The following S100PBP variants were observed in gnomAD, a reference collection of about 807,000 sequenced individuals.
S100PBP encodes the protein S100P-binding protein.
S100PBP carries 15 observed loss-of-function variants against 39.9 expected under a neutral mutation model. That is an observed-to-expected ratio of 0.38 (90% confidence interval 0.25 to 0.58). The LOEUF is 0.58. Ranked by LOEUF, S100PBP falls within the 20% of genes least tolerant of loss-of-function variation. The pLI is 0.70. For missense variants in S100PBP, 504 were observed against 487.3 expected (o/e 1.03, Z -0.32); for synonymous variants, 178 against 180.3 (o/e 0.99, Z 0.10).
intron 6 of S100PBP, among the ~76,000 whole-genome samples, chr1:32,853,505 G>A (rs1203003080): frequency 6.9e-6 from 1 of 145,272 alleles, no homozygotes; most frequent in African/African-American, 2.5e-5. Context: ...GGGGGGGGGC[G>A]CGTGAAATTT....
At chr1:32,833,078 C>T (rs1639670507) in intron 5 of S100PBP, among the ~76,000 whole-genome samples, 1 of 152,012 alleles carries the variant, frequency 6.6e-6, no homozygotes, top group African/African-American at 2.4e-5. Flanking sequence ...ATTATAAGTA[C>T]TTAAAGTAGA....
intron 5 of S100PBP, among the ~76,000 whole-genome samples, chr1:32,834,428 G>A (rs1351530587): frequency 6.6e-6 from 1 of 152,026 alleles, no homozygotes; most frequent in African/African-American, 2.4e-5. Flanking sequence ...GTTTCTTGTG[G>A]TATCATTTAA....
chr1:32,817,335 G>T (rs889969474), upstream of S100PBP: 20 of 1,540,180 alleles, frequency 1.3e-5, no homozygotes, highest in African/African-American at 2.6e-4. Flanking sequence ...ACTGTCACGC[G>T]AGTCCAGCCA....
At chr1:32,853,797 GAA>G (rs1640719817) in intron 6 of S100PBP, among the ~76,000 whole-genome samples, 1 of 152,022 alleles carries the variant, frequency 6.6e-6, no homozygotes, top group South Asian at 2.1e-4. Context: ...GTGCCTGAGA[GAA>G]AAGGATTGCT....
At chr1:32,827,878 C>A in intron 3 of S100PBP, 115 bp from the exon 4 acceptor site, 6 of 580,606 alleles carry the variant, frequency 1.0e-5, no homozygotes, top group Admixed American at 2.5e-5. Context: ...CAGTAGTGTT[C>A]ACGAATAGGC....
At chr1:32,839,093 A>G (rs975094455) in intron 5 of S100PBP, among the ~76,000 whole-genome samples, 6 of 152,098 alleles carry the variant, frequency 3.9e-5, no homozygotes, top group African/African-American at 1.4e-4. Context: ...TGCACCCACT[A>G]CAAATCCATA....
At chr1:32,854,772 T>C (rs1557518472) in intron 6 of S100PBP, among the ~76,000 whole-genome samples, 1 of 152,170 alleles carries the variant, frequency 6.6e-6, no homozygotes, top group African/African-American at 2.4e-5. Context: ...ACCGACCTCA[T>C]CTCCTAATAC....
upstream of S100PBP, chr1:32,817,484 T>C (rs71646400): frequency 7.1e-4 from 433 of 609,780 alleles, no homozygotes; most frequent in Non-Finnish European, 1.1e-3. Context: ...CGGTGGGCGG[T>C]GCGGAGGGCG....
rs1415136005 is a variant in S100PBP, at chr1:32,826,458, G to A, written c.359G>A (p.Ser120Asn). 3 of 1,614,002 alleles carry A rather than the reference G, an allele frequency of 1.9e-6. No homozygotes were observed. Among genetic ancestry groups the A allele is most frequent in the Non-Finnish European group, 2.5e-6 (3 of 1,180,024 alleles). ...TPDLFKLPQL[S>N]TSSGHGPAHT... ...GACCTCTTCAAACTACCTCAGCTAA[G>A]TACATCAAGTGGTCATGGACCAGCT... The change falls in exon 3 of 7, where the codon AGT becomes AAT. Residue 120 changes from serine to asparagine, a missense_variant. Transcript: ENST00000373475.
At chr1:32,833,653 C>T (rs1639697864) in intron 5 of S100PBP, among the ~76,000 whole-genome samples, 1 of 152,014 alleles carries the variant, frequency 6.6e-6, no homozygotes, top group Non-Finnish European at 1.5e-5. Flanking sequence ...TGAGACAGCA[C>T]CCAGCCCATT....
intron 1 of S100PBP, chr1:32,824,882 G>A (rs1031420060): frequency 7.2e-6 from 1 of 139,046 alleles, no homozygotes; most frequent in African/African-American, 2.7e-5. Context: ...TTAATTTTTA[G>A]ATTTTTGGTG....
intron 6 of S100PBP, among the ~76,000 whole-genome samples, chr1:32,853,879 C>T (rs1453927556): frequency 5.3e-5 from 8 of 152,050 alleles, no homozygotes; most frequent in Non-Finnish European, 1.0e-4. Context: ...GGCAACAGGG[C>T]GAGACCCTGT....
At chr1:32,821,772 C>T (rs1167022086) in intron 1 of S100PBP, among the ~76,000 whole-genome samples, 1 of 151,808 alleles carries the variant, frequency 6.6e-6, no homozygotes, top group African/African-American at 2.4e-5. Flanking sequence ...ATAGCTGGGG[C>T]TACAGGCCCG....
chr1:32,849,925 G>T (rs771687024), intron 5 of S100PBP, among the ~76,000 whole-genome samples: 6 of 152,134 alleles, frequency 3.9e-5, no homozygotes, highest in Admixed American at 2.0e-4. Flanking sequence ...TTATAGGATT[G>T]TTGTAAAGAA....
rs531387996 is a variant in S100PBP at position 32,831,263 on chromosome 1, T to C, written c.1024+1196T>C. Among the ~76,000 whole-genome samples, 3 of 152,082 alleles carry C rather than the reference T, an allele frequency of 2.0e-5. No individual in the cohort carries two copies. In the South Asian group the frequency reaches 6.2e-4, roughly 32 times the overall value. On this transcript the variant is annotated intron_variant, in intron 5 of 6. Coordinates refer to ENST00000373475, the MANE Select transcript of S100PBP (RefSeq NM_022753.4). Reference sequence around the variant, plus strand: ...AGAAGAAGATAATTATACTGCAGTATTGATTAGAGTTCTAATAGAATTACA... The same window carrying C: ...AGAAGAAGATAATTATACTGCAGTACTGATTAGAGTTCTAATAGAATTACA...
At chr1:32,843,140 T>G (rs1306201859) in intron 5 of S100PBP, 1 of 152,222 alleles carries the variant, frequency 6.6e-6, no homozygotes, top group Non-Finnish European at 1.5e-5. Context: ...TCCTAAATTC[T>G]TTTATTAGTT....
At chr1:32,830,447 T>TA (rs1189965509) in intron 5 of S100PBP, among the ~76,000 whole-genome samples, 1 of 152,238 alleles carries the variant, frequency 6.6e-6, no homozygotes, top group East Asian at 1.9e-4. Flanking sequence ...TTTCTCCTGT[T>TA]ACCTTCAGCA....
chr1:32,855,830 T>A lies in S100PBP; in HGVS notation c.1113-94T>A, dbSNP rs1472717913. The A allele has an allele frequency of 4.6e-6, 3 of 647,406 alleles. No individual in the cohort carries two copies. In the African/African-American group the frequency reaches 5.6e-5, roughly 12 times the overall value. The allele number at this position is 647,406 out of a possible 1,614,324, so 40.1% of individuals were successfully genotyped here. On this transcript the variant is annotated intron_variant, in intron 6 of 6. Coordinates refer to ENST00000373475, the MANE Select transcript of S100PBP (RefSeq NM_022753.4). Reference sequence around the variant, plus strand: ...AATATCTGATTTCCAAAAGTAAAGATCTTCTTAAAATTGTTGTGCTGGCCT... The same window carrying A: ...AATATCTGATTTCCAAAAGTAAAGAACTTCTTAAAATTGTTGTGCTGGCCT...
At chr1:32,819,580 T>A (rs916489187) in intron 1 of S100PBP, among the ~76,000 whole-genome samples, 11 of 151,710 alleles carry the variant, frequency 7.3e-5, no homozygotes, top group Non-Finnish European at 1.0e-4. Flanking sequence ...AAAAATAAAA[T>A]AAAAAAATAA....
Sources: gnomAD v4.1 joint callset for allele counts (sites outside exome capture counted in the v4.1 genomes callset) on GRCh38, gnomAD v4.1.1 for gene constraint, MANE v1.5 for transcripts, NCBI Gene and HGNC (gene_info 2026-07-23, HGNC 2026-07-21) for gene names.